Variants in GRIK5 observed in about 807,000 individuals in gnomAD.
The protein encoded by GRIK5 is glutamate ionotropic receptor kainate type subunit 5.
In GRIK5, 43 loss-of-function variants were observed where a neutral mutation model predicts 97.4. The observed-to-expected ratio is 0.44, with a 90% CI of 0.35 to 0.57. The LOEUF is 0.57. GRIK5 is among the 20% of genes least tolerant of loss of function. The probability of loss-of-function intolerance (pLI) is 0.01; values close to 1 mark genes in which losing one functional copy is unlikely to be tolerated. For missense variants in GRIK5, 1,015 were observed against 1,382.0 expected, an observed-to-expected ratio of 0.73 and a Z score of 4.21; for synonymous variants, 580 against 583.5, an observed-to-expected ratio of 0.99 and a Z score of 0.09.
intron 12 of GRIK5, among the ~76,000 whole-genome samples, chr19:42,033,750 A>G (rs1368249424): frequency 6.6e-6 from 1 of 152,230 alleles, no homozygotes. Context: ...TTGTAATCCC[A>G]GCACTTTTGG....
chr19:42,033,317 CAAAAA>C (rs1006793815), intron 12 of GRIK5, among the ~76,000 whole-genome samples: 2 of 42,202 alleles, frequency 4.7e-5, no homozygotes, highest in Non-Finnish European at 1.0e-4. Flanking sequence ...GACTCCGTCT[CAAAAA>C]AAAAAAAAAA....
At chr19:42,025,587 G>A (rs2075762070) in intron 12 of GRIK5, among the ~76,000 whole-genome samples, 2 of 152,126 alleles carry the variant, frequency 1.3e-5, no homozygotes, top group Admixed American at 6.5e-5. Context: ...AAACATGGGG[G>A]TTGTCCTGTA....
Position 42,062,979 on chromosome 19 carries a change from T to G in GRIK5, c.245-124A>C. Reference sequence around the variant, plus strand: ...CACTGGCAACTGCCTGATCCTCTTCTGCCATCCGGGACCCAGAAGGCCAGT... The same window carrying G: ...CACTGGCAACTGCCTGATCCTCTTCGGCCATCCGGGACCCAGAAGGCCAGT... On this transcript the variant is annotated intron_variant, in intron 3 of 19. Coordinates refer to ENST00000593562, the MANE Select transcript of GRIK5 (RefSeq NM_002088.5). This position sits in a 1 kb window ranked among gnomAD's most constrained non-coding sequence, Gnocchi z 5.3. 1.4e-6 allele frequency: 1 copy of G among 704,218 alleles called. No homozygotes were observed. The highest frequency in any genetic ancestry group is 2.5e-6 in the Non-Finnish European group (1 of 402,952). 43.6% of individuals were successfully genotyped at this position (704,218 alleles called of 1,614,324 possible).
chr19:41,998,970 G>A lies in GRIK5; in HGVS notation c.2844C>T (p.Gly948=), dbSNP rs1337889444. 2.6e-6 allele frequency: 3 copies of A among 1,163,490 alleles called. No individual in the cohort carries two copies. Among genetic ancestry groups the A allele is most frequent in the South Asian group, 6.1e-5 (2 of 33,048 alleles). 72.1% of individuals were successfully genotyped at this position (1,163,490 alleles called of 1,614,324 possible). ...GGACGCCCAGGCCACGCGGAGGCGCGCCGGCCCCCGAGGCCCGCAGCGCCT... is the reference window on the plus strand; with the variant it reads ...GGACGCCCAGGCCACGCGGAGGCGCACCGGCCCCCGAGGCCCGCAGCGCCT... The part of the protein sequence containing the change: ...RIQALRASGA[G]APPRGLGVPA... Residue 948 remains glycine, a synonymous_variant, in exon 20 of 20, where the codon GGC becomes GGT. Coordinates refer to ENST00000593562, the MANE Select transcript of GRIK5 (RefSeq NM_002088.5).
rs553220174 is a variant in GRIK5 at position 41,999,690 on chromosome 19, C to G, written c.2515-391G>C. Among the ~76,000 whole-genome samples the G allele has an allele frequency of 6.6e-6, 1 of 152,130 alleles. No individual in the cohort carries two copies. Among genetic ancestry groups the G allele is most frequent in the Non-Finnish European group, 1.5e-5 (1 of 68,028 alleles). ...ATTTACCTGTGGCCTGCTGTGTGCCCGGCACTGTTCTGAGCACTGGGGATA... is the reference window on the plus strand; with the variant it reads ...ATTTACCTGTGGCCTGCTGTGTGCCGGGCACTGTTCTGAGCACTGGGGATA... On this transcript the variant is annotated intron_variant, in intron 19 of 19. Coordinates refer to ENST00000593562, the MANE Select transcript of GRIK5 (RefSeq NM_002088.5). This position sits in a 1 kb window ranked among gnomAD's most constrained non-coding sequence, Gnocchi z 5.0.
chr19:42,017,795 T>C (rs2075642912), intron 15 of GRIK5, among the ~76,000 whole-genome samples: 1 of 152,146 alleles, frequency 6.6e-6, no homozygotes, highest in South Asian at 2.1e-4. Flanking sequence ...TGGCTAGATC[T>C]GAGGTTTTGT....
rs769689030 is a variant in GRIK5 at position 42,029,527 on chromosome 19, G to A, written c.1474-7173C>T. 1.6e-4 allele frequency among the ~76,000 whole-genome samples: 24 copies of A among 151,956 alleles called. 1 individual carries two copies. The highest frequency in any genetic ancestry group is 1.4e-3 in the Admixed American group (22 of 15,266). ...TGGGAGGCTGAGGTTGCAGTGAGCC[G>A]AGATCGCGCCACTGCACTCCAGCCT... On this transcript the variant is annotated intron_variant, in intron 12 of 19. Coordinates refer to ENST00000593562, the MANE Select transcript of GRIK5 (RefSeq NM_002088.5).
At position 42,065,644 on chromosome 19, in the gene GRIK5, G is replaced by C; in HGVS notation, c.79+48C>G. The stretch of plus-strand genomic sequence containing the variant: ...GACTGGCATGCCTGGGTCCCCAGAG[G>C]AGCCCCAGGGCCTGAGGATGCAGGG... On this transcript the variant is annotated intron_variant, in intron 2 of 19. Transcript: ENST00000593562. This position sits in a 1 kb window ranked among gnomAD's most constrained non-coding sequence, Gnocchi z 5.8. 1 of 1,441,500 alleles carries C rather than the reference G, an allele frequency of 6.9e-7. No individual in the cohort carries two copies. The highest frequency in any genetic ancestry group is 9.4e-7 in the Non-Finnish European group (1 of 1,058,930). 89.3% of individuals were successfully genotyped at this position (1,441,500 alleles called of 1,614,324 possible).
chr19:42,032,730 G>A (rs960893847), intron 12 of GRIK5, among the ~76,000 whole-genome samples: 6 of 152,106 alleles, frequency 3.9e-5, no homozygotes, highest in African/African-American at 1.4e-4. Flanking sequence ...TCCTTATAGT[G>A]GAAACTGGCC....
In GRIK5 at chr19:42,006,083, G is replaced by A. The variant is rs2075486413; in HGVS notation, c.2038-135C>T. 3.1e-6 allele frequency: 2 copies of A among 644,248 alleles called. No individual in the cohort carries two copies. The highest frequency in any genetic ancestry group is 5.7e-6 in the Non-Finnish European group (2 of 352,154). 39.9% of individuals were successfully genotyped at this position (644,248 alleles called of 1,614,324 possible). On this transcript the variant is annotated intron_variant, in intron 16 of 19. Coordinates refer to ENST00000593562, the MANE Select transcript of GRIK5 (RefSeq NM_002088.5). The surrounding 1 kb of genome is among the most constrained non-coding windows in gnomAD (Gnocchi z 5.3). Reference sequence around the variant, plus strand: ...GTGATCAAAGGAAGACAGAGCCAAAGGTAGAGGAGAGAGAGGAGATGGACA... The same window carrying A: ...GTGATCAAAGGAAGACAGAGCCAAAAGTAGAGGAGAGAGAGGAGATGGACA...
intron 11 of GRIK5, among the ~76,000 whole-genome samples, chr19:42,045,478 A>C (rs1007513369): frequency 1.3e-5 from 2 of 152,194 alleles, no homozygotes; most frequent in Non-Finnish European, 2.9e-5. Flanking sequence ...CCAAAGAACC[A>C]CTAAGTTGAC....
intron 12 of GRIK5, among the ~76,000 whole-genome samples, chr19:42,039,066 C>T (rs2075945429): frequency 6.6e-6 from 1 of 152,192 alleles, no homozygotes; most frequent in South Asian, 2.1e-4. Context: ...TAGTCTCTAG[C>T]TCTGACGTTC....
chr19:42,032,582 A>G (rs2146081650), intron 12 of GRIK5, among the ~76,000 whole-genome samples: 1 of 152,284 alleles, frequency 6.6e-6, no homozygotes, highest in South Asian at 2.1e-4. Flanking sequence ...TCAATAGGGG[A>G]TATGGTAAAT....
chr19:42,002,525 C>T lies in GRIK5; in HGVS notation c.2514+807G>A, dbSNP rs1555871243. The T allele has an allele frequency of 1.4e-6, 1 of 702,676 alleles. No individual in the cohort carries two copies. 43.5% of individuals were successfully genotyped at this position (702,676 alleles called of 1,614,324 possible). ...GGGCCAAGTGCAGAACACTGGCAGG[C>T]AGCTGGATGCAGAGCTGGGGTCTGG... On this transcript the variant is annotated intron_variant, in intron 19 of 19. Coordinates refer to ENST00000593562, the MANE Select transcript of GRIK5 (RefSeq NM_002088.5). The surrounding 1 kb of genome is among the most constrained non-coding windows in gnomAD (Gnocchi z 5.2).
chr19:42,051,882 C>T (rs1206904704), intron 11 of GRIK5, among the ~76,000 whole-genome samples: 1 of 152,172 alleles, frequency 6.6e-6, no homozygotes, highest in East Asian at 1.9e-4. Context: ...GCACCCAACT[C>T]CTATGCAACC....
chr19:42,032,126 A>G (rs2075847379), intron 12 of GRIK5, among the ~76,000 whole-genome samples: 1 of 152,232 alleles, frequency 6.6e-6, no homozygotes, highest in Non-Finnish European at 1.5e-5. Context: ...AAATAAAAAA[A>G]AGATGTTTGT....
At chr19:42,012,798 T>C (rs983831556) in intron 15 of GRIK5, among the ~76,000 whole-genome samples, 2 of 151,452 alleles carry the variant, frequency 1.3e-5, no homozygotes, top group African/African-American at 4.9e-5. Flanking sequence ...GCCTGGGAGG[T>C]TGAGGCTGCA....
At chr19:42,068,072 G>A (rs1391259545) in intron 1 of GRIK5, among the ~76,000 whole-genome samples, 1 of 152,206 alleles carries the variant, frequency 6.6e-6, no homozygotes, top group Non-Finnish European at 1.5e-5. Context: ...ACTCTACAAA[G>A]AGAGAGGGCC....
At chr19:42,024,012 C>CT (rs1470408013) in intron 12 of GRIK5, among the ~76,000 whole-genome samples, 1 of 152,212 alleles carries the variant, frequency 6.6e-6, no homozygotes, top group Non-Finnish European at 1.5e-5. Context: ...GTCTTGCCAG[C>CT]TGTGCTCCAG....
Sources: gnomAD v4.1 joint callset for allele counts (sites outside exome capture counted in the v4.1 genomes callset) on GRCh38, gnomAD v4.1.1 for gene constraint, Gnocchi (gnomAD v3.1) non-coding constraint, MANE v1.5 for transcripts, NCBI Gene and HGNC (gene_info 2026-07-23, HGNC 2026-07-21) for gene names.